SLC2A5: variants seen among roughly 807,000 people sequenced by gnomAD.
SLC2A5 encodes the protein solute carrier family 2 member 5.
A neutral mutation model predicts 50.3 loss-of-function variants in SLC2A5; 56 were observed. The observed-to-expected ratio is 1.11, with a 90% CI of 0.90 to 1.39. The LOEUF (loss-of-function observed/expected upper bound fraction) is 1.39. Among genes scored for constraint, SLC2A5 ranks in the 40% most tolerant of loss-of-function variants. The probability of loss-of-function intolerance (pLI) is 0.00; values close to 1 mark genes in which losing one functional copy is unlikely to be tolerated. For missense variants in SLC2A5, 566 were observed against 650.1 expected, an observed-to-expected ratio of 0.87 and a Z score of 1.41; for synonymous variants, 269 against 281.9, an observed-to-expected ratio of 0.95 and a Z score of 0.46.
At chr1:9,056,870 C>T (rs1478033233) in intron 3 of SLC2A5, among the ~76,000 whole-genome samples, 1 of 152,208 alleles carries the variant, frequency 6.6e-6, no homozygotes, top group Admixed American at 6.5e-5. Flanking sequence ...CACAAGCACA[C>T]ACGGCTCCTT....
intron 2 of SLC2A5, among the ~76,000 whole-genome samples, chr1:9,082,113 G>C (rs1642361890): frequency 6.6e-6 from 1 of 152,062 alleles, no homozygotes; most frequent in South Asian, 2.1e-4. Context: ...ATGTTGTTTA[G>C]AATGTGGAGA....
At chr1:9,069,648 C>A, upstream of SLC2A5, 1 of 1,135,566 alleles carries the variant, frequency 8.8e-7, no homozygotes, top group Non-Finnish European at 1.3e-6. Context: ...CAAATAACAG[C>A]CAATAGCATT....
chr1:9,084,033 ACG>A (rs774110292), intron 2 of SLC2A5, among the ~76,000 whole-genome samples: 2 of 151,998 alleles, frequency 1.3e-5, no homozygotes, highest in South Asian at 2.1e-4. Flanking sequence ...AGTCCCAGCT[ACG>A]CGGGAGGCTG....
intron 2 of SLC2A5, among the ~76,000 whole-genome samples, chr1:9,078,604 C>A (rs1353299864): frequency 6.6e-6 from 1 of 152,204 alleles, no homozygotes; most frequent in East Asian, 1.9e-4. Flanking sequence ...AAAAACATTT[C>A]ATTTAAAGAA....
intron 2 of SLC2A5, among the ~76,000 whole-genome samples, chr1:9,078,353 G>A (rs540758102): frequency 6.6e-6 from 1 of 152,232 alleles, no homozygotes; most frequent in Non-Finnish European, 1.5e-5. Flanking sequence ...CTGTGACTAA[G>A]AATGCCTAAA....
chr1:9,092,399 A>G (rs1642469329), upstream of SLC2A5, among the ~76,000 whole-genome samples: 1 of 152,128 alleles, frequency 6.6e-6, no homozygotes, highest in Non-Finnish European at 1.5e-5. Context: ...ATTTCCCTCT[A>G]CACCATTTCT....
rs1557673364 is a variant in SLC2A5, at chr1:9,057,450, G to T, written c.291C>A (p.Gly97=). The change falls in exon 3 of 12, where the codon GGC becomes GGA. Residue 97 remains glycine (G), a splice_region_variant and synonymous_variant. Coordinates refer to ENST00000377424, the MANE Select transcript of SLC2A5 (RefSeq NM_003039.3). ...ATTAAAAATTCACCTTCCCTTACCT[G>T]CCAAATTTATTCACCAAGGGGCCGA... is the stretch of plus-strand genomic sequence containing the variant. ...LLVGPLVNKF[G]RKGALLFNNI... is the part of the protein sequence containing the mutation. 6.2e-7 allele frequency: 1 copy of T among 1,608,036 alleles called. No individual in the cohort carries two copies. The highest frequency in any genetic ancestry group is 1.1e-5 in the South Asian group (1 of 90,418).
chr1:9,043,064 A>C (rs1216636627), intron 4 of SLC2A5, among the ~76,000 whole-genome samples: 1 of 152,162 alleles, frequency 6.6e-6, no homozygotes, highest in Non-Finnish European at 1.5e-5. Context: ...GTATTTTCAC[A>C]TATATTGCCC....
At chr1:9,092,533 G>C (rs575760405), upstream of SLC2A5, among the ~76,000 whole-genome samples, 3 of 152,208 alleles carry the variant, frequency 2.0e-5, no homozygotes, top group Non-Finnish European at 4.4e-5. Context: ...AACCCACCAA[G>C]CCAGAGGACA....
At chr1:9,044,193 C>G (rs986216830) in intron 4 of SLC2A5, among the ~76,000 whole-genome samples, 4 of 151,692 alleles carry the variant, frequency 2.6e-5, no homozygotes, top group Non-Finnish European at 5.9e-5. Context: ...TAGCTGGGCA[C>G]GGTGGCACAT....
intron 3 of SLC2A5, among the ~76,000 whole-genome samples, chr1:9,049,850 G>T (rs1035931596): frequency 6.6e-5 from 10 of 152,134 alleles, no homozygotes; most frequent in Non-Finnish European, 1.5e-4. Context: ...CAAAAAGATG[G>T]TGCTGGGCTG....
At chr1:9,055,254 A>G (rs1434801419) in intron 3 of SLC2A5, among the ~76,000 whole-genome samples, 1 of 151,960 alleles carries the variant, frequency 6.6e-6, no homozygotes, top group African/African-American at 2.4e-5. Context: ...GCGGTGGCTC[A>G]CACCTGTAAT....
chr1:9,089,456 G>A (rs1422894875), upstream of SLC2A5, among the ~76,000 whole-genome samples: 2 of 152,016 alleles, frequency 1.3e-5, no homozygotes, highest in African/African-American at 4.8e-5. Flanking sequence ...ATTAGAGGAG[G>A]GTCCCCAGAC....
rs756060508 is a variant in SLC2A5 at position 9,039,870 on chromosome 1, C to G, written c.815G>C (p.Arg272Pro). ...FISVLKLFRM[R>P]SLRWQLLSII... ...GGACAGCAGCTGCCAGCGCAGCGAGCGCATCCGGAACAGCTTCAGCACGGA... is the reference window on the plus strand; with the variant it reads ...GGACAGCAGCTGCCAGCGCAGCGAGGGCATCCGGAACAGCTTCAGCACGGA... Residue 272 changes from arginine to proline, a missense_variant, in exon 7 of 12, where the codon CGC becomes CCC. Physicochemically the swap from Arg to Pro is moderately radical, Grantham distance 103 (BLOSUM62 -2). Transcript: ENST00000377424. The G allele has an allele frequency of 6.2e-7, 1 of 1,612,070 alleles. No individual in the cohort carries two copies. The highest frequency in any genetic ancestry group is 8.5e-7 in the Non-Finnish European group (1 of 1,179,568).
chr1:9,077,684 G>T (rs1480626868), intron 2 of SLC2A5, among the ~76,000 whole-genome samples: 2 of 149,420 alleles, frequency 1.3e-5, no homozygotes, highest in Non-Finnish European at 1.5e-5. Context: ...GAACCTGGTT[G>T]CAGTGAGCCG....
upstream of SLC2A5, among the ~76,000 whole-genome samples, chr1:9,070,662 A>G (rs144748008): frequency 3.4e-4 from 52 of 152,256 alleles, no homozygotes; most frequent in African/African-American, 1.3e-3. Context: ...ACATACTCCC[A>G]GTTCTATTTG....
chr1:9,080,018 A>G (rs1460419523), intron 2 of SLC2A5, among the ~76,000 whole-genome samples: 1 of 152,150 alleles, frequency 6.6e-6, no homozygotes, highest in Non-Finnish European at 1.5e-5. Context: ...GCTTCTACGA[A>G]TTTGGGCACT....
At chr1:9,067,443 G>A (rs1286981389) in intron 1 of SLC2A5, among the ~76,000 whole-genome samples, 2 of 152,220 alleles carry the variant, frequency 1.3e-5, no homozygotes, top group Admixed American at 6.5e-5. Context: ...GGCCTGCCAC[G>A]TGGGGGTGTT....
upstream of SLC2A5, among the ~76,000 whole-genome samples, chr1:9,072,894 G>A (rs376644181): frequency 1.7e-3 from 252 of 151,816 alleles, no homozygotes; most frequent in African/African-American, 5.9e-3. Flanking sequence ...CCCAAGAGGC[G>A]GAAGTTGCAG....
Sources: gnomAD v4.1 joint callset for allele counts (sites outside exome capture counted in the v4.1 genomes callset) on GRCh38, gnomAD v4.1.1 for gene constraint, MANE v1.5 for transcripts, NCBI Gene and HGNC (gene_info 2026-07-23, HGNC 2026-07-21) for gene names.